ABR: variants seen among roughly 807,000 people sequenced by gnomAD.
The protein encoded by ABR is ABR activator of RhoGEF and GTPase, also known as active breakpoint cluster region-related protein.
A neutral mutation model predicts 107.2 loss-of-function variants in ABR; 35 were observed. The observed-to-expected ratio is 0.33, with a 90% CI of 0.25 to 0.43. The LOEUF is 0.43. Ranked by LOEUF, ABR falls within the 20% of genes least tolerant of loss-of-function variation. The probability of loss-of-function intolerance (pLI) is 1.00; values close to 1 mark genes in which losing one functional copy is unlikely to be tolerated. For missense variants in ABR, 815 were observed against 1,115.2 expected (o/e 0.73, Z 3.83); for synonymous variants, 498 against 462.0 (o/e 1.08, Z -1.00).
intron 16 of ABR, among the ~76,000 whole-genome samples, chr17:1,013,480 A>ACCC (rs2070837033): frequency 6.6e-6 from 1 of 152,092 alleles, no homozygotes; most frequent in African/African-American, 2.4e-5. Context: ...ACACCCTGTT[A>ACCC]GGCACTCCTG....
chr17:1,012,019 C>G (rs764306596), intron 18 of ABR, 34 bp from the exon 19 acceptor site: 1 of 1,608,092 alleles, frequency 6.2e-7, no homozygotes, highest in African/African-American at 1.3e-5. Context: ...TGGAGGGCAG[C>G]CCCCACGACA....
Position 1,178,100 on chromosome 17 carries a change from C to T in ABR, c.61+1567G>A, listed in dbSNP as rs757638885. 83 of 152,338 alleles carry T rather than the reference C, an allele frequency of 5.4e-4. 1 individual carries two copies. Among genetic ancestry groups the T allele is most frequent in the Non-Finnish European group, 8.8e-4 (60 of 68,152 alleles). 9.4% of individuals were successfully genotyped at this position (152,338 alleles called of 1,614,324 possible). On this transcript the variant is annotated intron_variant, in intron 1 of 22. Transcript: ENST00000302538. ...GAAGGAACATGGATGGAGGAGGAGGCGGGTGGAGAAGAAGATACAGGGAAT... is the reference window on the plus strand; with the variant it reads ...GAAGGAACATGGATGGAGGAGGAGGTGGGTGGAGAAGAAGATACAGGGAAT...
At chr17:1,113,417 G>A (rs914262963) in intron 2 of ABR, among the ~76,000 whole-genome samples, 1 of 151,208 alleles carries the variant, frequency 6.6e-6, no homozygotes, top group Non-Finnish European at 1.5e-5. Context: ...CTCCCAAGTA[G>A]CTGGGATTAC....
At chr17:1,199,544 GTTCA>G (rs1294417514) in intron 1 of ABR, among the ~76,000 whole-genome samples, 3 of 151,354 alleles carry the variant, frequency 2.0e-5, no homozygotes, top group African/African-American at 7.4e-5. Flanking sequence ...CCCCTCCCGG[GTTCA>G]AGCAATTCTC....
rs1220139457 is a variant in ABR, at chr17:1,054,627, T to C, written c.1561+1408A>G. ...TGGGGGCACAAGGAACCTCAGGGGA[T>C]GTGGGCACAAGGAACCTCAGGGGAT... On this transcript the variant is annotated intron_variant, in intron 14 of 22. Transcript: ENST00000302538. 2.0e-3 allele frequency among the ~76,000 whole-genome samples: 18 copies of C among 8,910 alleles called. 1 individual carries two copies. The highest frequency in any genetic ancestry group is 0.014 in the African/African-American group (15 of 1,060). The allele number at this position is 8,910 out of a possible 152,430, so 5.8% of individuals were successfully genotyped here.
chr17:1,012,543 A>G (rs2070701080), intron 18 of ABR, 145 bp downstream of exon 18: 2 of 716,870 alleles, frequency 2.8e-6, no homozygotes, highest in South Asian at 3.0e-5. Flanking sequence ...GCCACTCTAG[A>G]TCCACACCGG....
At chr17:1,028,143 T>G (rs150859049) in intron 16 of ABR, among the ~76,000 whole-genome samples, 4 of 151,822 alleles carry the variant, frequency 2.6e-5, no homozygotes, top group Non-Finnish European at 4.4e-5. Flanking sequence ...CAGGCTGGAG[T>G]GCAGTGGCAT....
At chr17:1,038,183 A>G (rs557343208) in intron 16 of ABR, among the ~76,000 whole-genome samples, 5 of 152,138 alleles carry the variant, frequency 3.3e-5, no homozygotes, top group African/African-American at 4.8e-5. Flanking sequence ...GCAGAATCTG[A>G]GGCACACCTC....
chr17:1,180,619 C>T (rs951440820), upstream of ABR, among the ~76,000 whole-genome samples: 1 of 152,200 alleles, frequency 6.6e-6, no homozygotes, highest in African/African-American at 2.4e-5. Flanking sequence ...GCCCCAAGGG[C>T]TCCACGCGTT....
chr17:1,038,466 T>C (rs2073365301), intron 16 of ABR, among the ~76,000 whole-genome samples: 1 of 152,176 alleles, frequency 6.6e-6, no homozygotes, highest in South Asian at 2.1e-4. Flanking sequence ...AGCACCTGTC[T>C]AGTGGGTCAG....
intron 2 of ABR, chr17:1,108,795 CAG>C (rs1279946624): frequency 4.6e-6 from 5 of 1,085,354 alleles, no homozygotes; most frequent in African/African-American, 2.0e-5. Context: ...CCCCCGGGAA[CAG>C]CTGCCGGGGC....
chr17:1,072,430 G>A (rs1452164543), intron 8 of ABR, among the ~76,000 whole-genome samples, 184 bp downstream of exon 8: 11 of 96,888 alleles, frequency 1.1e-4, no homozygotes, highest in East Asian at 6.7e-4. Flanking sequence ...GGGACCTGCC[G>A]CCCGTGTGTG....
intron 16 of ABR, among the ~76,000 whole-genome samples, chr17:1,018,236 G>T (rs1054604099): frequency 6.6e-6 from 1 of 151,500 alleles, no homozygotes; most frequent in Non-Finnish European, 1.5e-5. Context: ...TAGAGACGGG[G>T]TTTCACCGTG....
At chr17:1,128,339 G>A (rs369832271) in intron 1 of ABR, among the ~76,000 whole-genome samples, 1 of 152,230 alleles carries the variant, frequency 6.6e-6, no homozygotes, top group South Asian at 2.1e-4. Context: ...GCAGACAGCG[G>A]CTTGGGCACC....
chr17:1,125,574 G>T (rs987153138), intron 1 of ABR: 2 of 387,794 alleles, frequency 5.2e-6, no homozygotes, highest in African/African-American at 4.3e-5. Context: ...CCGCTCCGGG[G>T]CTGCTGGGAG....
chr17:1,220,330 T>G (rs1277156187), intron 1 of ABR, among the ~76,000 whole-genome samples: 1 of 151,816 alleles, frequency 6.6e-6, no homozygotes, highest in African/African-American at 2.4e-5. Context: ...TTCTCAGCAG[T>G]TGAAAAACGC....
intron 1 of ABR, among the ~76,000 whole-genome samples, chr17:1,134,640 C>T (rs1457504561): frequency 2.6e-5 from 4 of 152,252 alleles, no homozygotes; most frequent in Admixed American, 6.5e-5. Context: ...ATCAAATCTC[C>T]GAGATGCTAC....
intron 16 of ABR, among the ~76,000 whole-genome samples, chr17:1,024,559 G>A (rs948249516): frequency 1.3e-5 from 2 of 152,154 alleles, no homozygotes; most frequent in East Asian, 1.9e-4. Context: ...GCGGAGGCAG[G>A]TGGATCCACT....
At chr17:1,205,940 C>G (rs1270504383) in intron 1 of ABR, among the ~76,000 whole-genome samples, 3 of 148,924 alleles carry the variant, frequency 2.0e-5, no homozygotes, top group Non-Finnish European at 4.4e-5. Flanking sequence ...GACTCCGACT[C>G]GAAAAAAGAA....
Sources: gnomAD v4.1 joint callset for allele counts (sites outside exome capture counted in the v4.1 genomes callset) on GRCh38, gnomAD v4.1.1 for gene constraint, MANE v1.5 for transcripts, NCBI Gene and HGNC (gene_info 2026-07-23, HGNC 2026-07-21) for gene names.